The following NPIPA1 variants were observed in gnomAD, a reference collection of about 807,000 sequenced individuals.
NPIPA1 encodes nuclear pore complex interacting protein family member A1.
For synonymous variants in NPIPA1, 7 were observed against 88.0 expected (o/e 0.08, Z 5.15); for missense variants, 22 against 232.2 (o/e 0.09, Z 5.88).
chr16:14,947,942 C>G, intron 4 of NPIPA1, among the ~76,000 whole-genome samples: 1 of 152,224 alleles, frequency 6.6e-6, no homozygotes, highest in Non-Finnish European at 1.5e-5. Context: ...CACCTCACCA[C>G]ACACACCTTG....
chr16:14,942,773 T>C (rs1218867741), intron 2 of NPIPA1, among the ~76,000 whole-genome samples: 1 of 152,270 alleles, frequency 6.6e-6, no homozygotes, highest in Non-Finnish European at 1.5e-5. Context: ...CAAAAGTCTG[T>C]ACTTGGTAAG....
chr16:14,943,789 C>T (rs1345235052), intron 2 of NPIPA1, among the ~76,000 whole-genome samples: 1 of 152,070 alleles, frequency 6.6e-6, no homozygotes, highest in Non-Finnish European at 1.5e-5. Context: ...AATCCTAGTA[C>T]ATGATTTTTT....
intron 2 of NPIPA1, among the ~76,000 whole-genome samples, chr16:14,944,259 C>A (rs370435886): frequency 7.8e-4 from 118 of 151,684 alleles, no homozygotes; most frequent in East Asian, 1.4e-3. Flanking sequence ...TTAATATCTT[C>A]GAAGATTAAA....
chr16:14,940,718 AAAGAT>A (rs1965730762), intron 1 of NPIPA1, among the ~76,000 whole-genome samples: 3 of 123,644 alleles, frequency 2.4e-5, no homozygotes, highest in African/African-American at 6.4e-5. Flanking sequence ...AACAAAAATA[AAAGAT>A]AAGATAATTA....
intron 4 of NPIPA1, among the ~76,000 whole-genome samples, chr16:14,946,328 TCTC>T: frequency 9.3e-6 from 1 of 107,586 alleles, no homozygotes; most frequent in South Asian, 3.7e-4. Context: ...TTCAAGCAAT[TCTC>T]CTGCCTCAGC....
intron 2 of NPIPA1, among the ~76,000 whole-genome samples, chr16:14,943,118 G>T: frequency 6.6e-6 from 1 of 150,454 alleles, no homozygotes; most frequent in South Asian, 2.1e-4. Context: ...CCTGAACAGA[G>T]AATTTTTGGT....
chr16:14,943,476 C>T (rs1965802757), intron 2 of NPIPA1, among the ~76,000 whole-genome samples: 2 of 148,000 alleles, frequency 1.4e-5, no homozygotes, highest in South Asian at 2.2e-4. Context: ...TTAAATTTAC[C>T]ACTTTTTAAC....
intron 2 of NPIPA1, among the ~76,000 whole-genome samples, chr16:14,943,292 G>C (rs1301558213): frequency 6.6e-6 from 1 of 151,484 alleles, no homozygotes; most frequent in Non-Finnish European, 1.5e-5. Context: ...AAGTAGCTGG[G>C]ATTACAGGTG....
At chr16:14,946,570 G>T (rs1965891979) in intron 4 of NPIPA1, among the ~76,000 whole-genome samples, 1 of 147,054 alleles carries the variant, frequency 6.8e-6, no homozygotes, top group Non-Finnish European at 1.5e-5. Context: ...TGTCGCCCAG[G>T]CTGGAGTGCT....
At chr16:14,943,776 T>G (rs1267957574) in intron 2 of NPIPA1, among the ~76,000 whole-genome samples, 1 of 151,956 alleles carries the variant, frequency 6.6e-6, no homozygotes, top group South Asian at 2.1e-4. Flanking sequence ...TTGCTTCTCT[T>G]GAAATCCTAG....
At position 14,938,212 on chromosome 16, in the gene NPIPA1, G is replaced by A. The variant is rs759953053; in HGVS notation, c.63+707G>A. 4.0e-6 allele frequency: 6 copies of A among 1,484,252 alleles called. No homozygotes were observed. The East Asian group carries it at 2.2e-4, about 53-fold the overall frequency. 91.9% of individuals were successfully genotyped at this position (1,484,252 alleles called of 1,614,324 possible). ...CCTCCGGGTGCCCTGAAAGGACCAG[G>A]ACATGCGGGTGCGGTGGCTGCTCTT... On this transcript the variant is annotated intron_variant, in intron 1 of 7. Coordinates refer to ENST00000328085, the MANE Select transcript of NPIPA1 (RefSeq NM_006985.4).
At chr16:14,946,887 G>C (rs1260928495) in intron 4 of NPIPA1, among the ~76,000 whole-genome samples, 2 of 152,158 alleles carry the variant, frequency 1.3e-5, no homozygotes, top group South Asian at 2.1e-4. Flanking sequence ...TAGAGGCGGG[G>C]TTTCACCATA....
intron 4 of NPIPA1, among the ~76,000 whole-genome samples, chr16:14,946,938 A>G (rs1965902910): frequency 6.6e-6 from 1 of 152,156 alleles, no homozygotes; most frequent in East Asian, 2.0e-4. Flanking sequence ...CATGATCCGC[A>G]CAACTCGGCC....
At chr16:14,939,012 G>A (rs1393615597) in intron 1 of NPIPA1, among the ~76,000 whole-genome samples, 23 of 139,992 alleles carry the variant, frequency 1.6e-4, no homozygotes, top group South Asian at 5.3e-4. Flanking sequence ...GTGAGCCACC[G>A]CGCCTGGCCA....
intron 1 of NPIPA1, among the ~76,000 whole-genome samples, chr16:14,940,755 C>T (rs1458767746): frequency 8.8e-6 from 1 of 113,540 alleles, no homozygotes; most frequent in Non-Finnish European, 1.8e-5. Context: ...GCTTGTCTTA[C>T]CCATGAGTGA....
chr16:14,941,151 AAAAT>A (rs1248544429), intron 1 of NPIPA1, among the ~76,000 whole-genome samples: 3 of 151,832 alleles, frequency 2.0e-5, no homozygotes, highest in African/African-American at 7.3e-5. Flanking sequence ...AAAAACAAAA[AAAAT>A]GGCCGGGCAC....
chr16:14,941,414 G>A (rs1346617772), intron 1 of NPIPA1: 8 of 207,364 alleles, frequency 3.9e-5, no homozygotes, highest in Non-Finnish European at 5.6e-5. Context: ...CAGCCTGGGC[G>A]ACTGAGTGGA....
intron 2 of NPIPA1, among the ~76,000 whole-genome samples, chr16:14,942,571 G>A (rs1360889158): frequency 1.3e-5 from 2 of 152,254 alleles, no homozygotes; most frequent in Non-Finnish European, 2.9e-5. Flanking sequence ...AGGTCATAGG[G>A]ACGAGGTGAC....
intron 1 of NPIPA1, among the ~76,000 whole-genome samples, chr16:14,941,094 C>T (rs1965740184): frequency 6.6e-6 from 1 of 150,800 alleles, no homozygotes; most frequent in African/African-American, 2.4e-5. Context: ...CACCACTGCA[C>T]TCCAGCCTGG....
Sources: gnomAD v4.1 joint callset for allele counts (sites outside exome capture counted in the v4.1 genomes callset) on GRCh38, gnomAD v4.1.1 for gene constraint, MANE v1.5 for transcripts, NCBI Gene and HGNC (gene_info 2026-07-23, HGNC 2026-07-21) for gene names.